NEDD4L: variants seen among roughly 807,000 people sequenced by gnomAD.
NEDD4L encodes the protein NEDD4 like E3 ubiquitin protein ligase, also known as E3 ubiquitin-protein ligase NEDD4-like.
Under a neutral mutation model 148.9 loss-of-function variants are expected in NEDD4L, and 54 were observed. The ratio of observed to expected loss-of-function variants is 0.36; its 90% CI spans 0.29 to 0.45. The LOEUF (loss-of-function observed/expected upper bound fraction) is 0.45, where lower values mean the gene tolerates loss of function less well. Ranked by LOEUF, NEDD4L falls within the 20% of genes least tolerant of loss-of-function variation. The probability of loss-of-function intolerance (pLI) is 1.00; values close to 1 mark genes in which losing one functional copy is unlikely to be tolerated. For missense variants in NEDD4L, 856 were observed against 1,233.8 expected, an observed-to-expected ratio of 0.69 and a Z score of 4.59; for synonymous variants, 433 against 440.7, an observed-to-expected ratio of 0.98 and a Z score of 0.22.
intron 2 of NEDD4L, among the ~76,000 whole-genome samples, chr18:58,242,484 T>G (rs1309887921): frequency 6.6e-6 from 1 of 152,028 alleles, no homozygotes; most frequent in African/African-American, 2.4e-5. Flanking sequence ...CCCCTCTTCT[T>G]ATTTATGAAT....
rs778671131 is a variant in NEDD4L, at chr18:58,390,630, C to T, written c.2656-16C>T. 8.4e-6 allele frequency: 13 copies of T among 1,552,198 alleles called. No individual in the cohort carries two copies. The highest frequency in any genetic ancestry group is 1.4e-5 in the African/African-American group (1 of 73,826). On this transcript the variant is annotated splice_polypyrimidine_tract_variant and intron_variant, in intron 28 of 30. Transcript: ENST00000400345. ...GTCACGTGGGGGGTATAATGACCTTCTGCCTCTGTTCATAGGCTGTGCTAC... is the reference window on the plus strand; with the variant it reads ...GTCACGTGGGGGGTATAATGACCTTTTGCCTCTGTTCATAGGCTGTGCTAC...
intron 2 of NEDD4L, among the ~76,000 whole-genome samples, chr18:58,231,066 G>A (rs1333516787): frequency 6.6e-6 from 1 of 151,726 alleles, no homozygotes; most frequent in African/African-American, 2.4e-5. Context: ...TGGGCAACAT[G>A]GGAAAACCCC....
intron 2 of NEDD4L, among the ~76,000 whole-genome samples, chr18:58,174,917 C>T (rs1162554687): frequency 6.6e-6 from 1 of 152,158 alleles, no homozygotes; most frequent in Non-Finnish European, 1.5e-5. Context: ...CTTTGCCCTT[C>T]TTTGAAAACA....
intron 4 of NEDD4L, among the ~76,000 whole-genome samples, chr18:58,251,164 T>C (rs1036587515): frequency 6.6e-6 from 1 of 151,404 alleles, no homozygotes; most frequent in Non-Finnish European, 1.5e-5. Context: ...TTATACATCA[T>C]AGGATTGCTG....
chr18:58,346,973 G>A (rs999184122), intron 16 of NEDD4L, among the ~76,000 whole-genome samples: 3 of 151,898 alleles, frequency 2.0e-5, no homozygotes, highest in African/African-American at 4.8e-5. Flanking sequence ...GTGACCACTA[G>A]CCTTAGCCCT....
At chr18:58,107,596 G>C (rs1228885898) in intron 1 of NEDD4L, among the ~76,000 whole-genome samples, 1 of 152,130 alleles carries the variant, frequency 6.6e-6, no homozygotes, top group Admixed American at 6.5e-5. Flanking sequence ...GCTTGTGCCT[G>C]TAGGCCCAGC....
At chr18:58,108,754 T>C (rs1044601760) in intron 1 of NEDD4L, among the ~76,000 whole-genome samples, 4 of 152,338 alleles carry the variant, frequency 2.6e-5, no homozygotes, top group South Asian at 4.1e-4. Context: ...AATTTTGGTA[T>C]AATAGAGACT....
At chr18:58,362,771 G>C (rs1352938112) in intron 19 of NEDD4L, among the ~76,000 whole-genome samples, 1 of 152,228 alleles carries the variant, frequency 6.6e-6, no homozygotes, top group Non-Finnish European at 1.5e-5. Context: ...ACCAGAAAGT[G>C]AGAAATAAAC....
chr18:58,323,376 A>G (rs2059018363), intron 8 of NEDD4L, 42 bp downstream of exon 8: 1 of 1,013,194 alleles, frequency 9.9e-7, no homozygotes, highest in Non-Finnish European at 1.5e-6. Context: ...CCTTGAGATC[A>G]TATTCATGTT....
chr18:58,341,199 G>A (rs774299084), intron 14 of NEDD4L, 30 bp downstream of exon 14: 44 of 1,606,598 alleles, frequency 2.7e-5, no homozygotes, highest in African/African-American at 4.0e-5. Flanking sequence ...ACTTAAAACC[G>A]CAGGCCATAG....
Position 58,044,543 on chromosome 18 carries a change from G to T in NEDD4L, c.-118G>T, listed in dbSNP as rs1245349561. ...GGCGCCCGGCCGCTTACCCGGCAGG[G>T]CGTGCGCAGGGTAGGGTGCGGGACC... On this transcript the variant is annotated 5_prime_UTR_variant, in exon 1 of 31. Coordinates refer to ENST00000400345, the MANE Select transcript of NEDD4L (RefSeq NM_001144967.3). The T allele has an allele frequency of 3.2e-6, 4 of 1,264,314 alleles. No homozygotes were observed. The highest frequency in any genetic ancestry group is 4.0e-6 in the Non-Finnish European group (4 of 994,954). The allele number at this position is 1,264,314 out of a possible 1,614,324, so 78.3% of individuals were successfully genotyped here. A position where few individuals can be genotyped will look rare whatever the true frequency, so the allele number is the denominator to read the frequency against.
At chr18:58,141,872 C>T (rs551029543) in intron 1 of NEDD4L, among the ~76,000 whole-genome samples, 1 of 152,048 alleles carries the variant, frequency 6.6e-6, no homozygotes, top group East Asian at 1.9e-4. Context: ...TCTTGCATTC[C>T]CAGCTACTGT....
chr18:58,278,970 C>G (rs2052582522), intron 5 of NEDD4L, among the ~76,000 whole-genome samples: 1 of 152,172 alleles, frequency 6.6e-6, no homozygotes, highest in Non-Finnish European at 1.5e-5. Flanking sequence ...CTCCCAGGTT[C>G]AAGTGATTCT....
intron 2 of NEDD4L, among the ~76,000 whole-genome samples, chr18:58,216,963 C>A (rs1322491471): frequency 6.6e-6 from 1 of 152,184 alleles, no homozygotes; most frequent in Non-Finnish European, 1.5e-5. Flanking sequence ...CTGCCAGATT[C>A]TAAATGTTTT....
At chr18:58,233,796 A>G in intron 2 of NEDD4L, among the ~76,000 whole-genome samples, 1 of 152,268 alleles carries the variant, frequency 6.6e-6, no homozygotes, top group African/African-American at 2.4e-5. Flanking sequence ...GAAGTCTGAA[A>G]TTAAGAGTCA....
intron 1 of NEDD4L, among the ~76,000 whole-genome samples, chr18:58,137,311 T>C (rs1391716657): frequency 1.3e-5 from 2 of 151,874 alleles, no homozygotes; most frequent in Non-Finnish European, 2.9e-5. Context: ...TAGAAATGAG[T>C]TCTGTGTGTT....
intron 2 of NEDD4L, among the ~76,000 whole-genome samples, chr18:58,220,169 C>CTTTG (rs1043116488): frequency 6.6e-6 from 1 of 152,146 alleles, no homozygotes; most frequent in Non-Finnish European, 1.5e-5. Flanking sequence ...AATCCCAGCA[C>CTTTG]TTTGGGAGGC....
At chr18:58,081,405 C>T (rs1201860081) in intron 1 of NEDD4L, among the ~76,000 whole-genome samples, 6 of 151,782 alleles carry the variant, frequency 4.0e-5, no homozygotes, top group South Asian at 2.1e-4. Context: ...TTAGTAGAGA[C>T]GGGGTTTCAC....
chr18:58,191,888 T>TA (rs1161923514), intron 2 of NEDD4L, among the ~76,000 whole-genome samples: 5 of 152,152 alleles, frequency 3.3e-5, no homozygotes, highest in Non-Finnish European at 5.9e-5. Flanking sequence ...ACAAGCTTGA[T>TA]AAAAACTTGC....
Sources: gnomAD v4.1 joint callset for allele counts (sites outside exome capture counted in the v4.1 genomes callset) on GRCh38, gnomAD v4.1.1 for gene constraint, MANE v1.5 for transcripts, NCBI Gene and HGNC (gene_info 2026-07-23, HGNC 2026-07-21) for gene names.